The following NEO1 variants were observed in gnomAD, a reference collection of about 807,000 sequenced individuals.
NEO1 encodes neogenin 1.
A neutral mutation model predicts 159.7 loss-of-function variants in NEO1; 63 were observed. The ratio of observed to expected loss-of-function variants is 0.39; its 90% CI spans 0.32 to 0.49. The LOEUF (loss-of-function observed/expected upper bound fraction) is 0.49. Among genes scored for constraint, NEO1 ranks in the 20% least tolerant of loss-of-function variants. NEO1 has a pLI of 0.85. For synonymous variants in NEO1, 633 were observed against 662.0 expected (o/e 0.96, Z 0.67); for missense variants, 1,615 against 1,831.0 (o/e 0.88, Z 2.15).
At chr15:73,098,107 A>T (rs2070184390) in intron 1 of NEO1, among the ~76,000 whole-genome samples, 1 of 151,998 alleles carries the variant, frequency 6.6e-6, no homozygotes, top group South Asian at 2.1e-4. Context: ...ACACACCCTC[A>T]GAATAACAAT....
intron 27 of NEO1, 57 bp downstream of exon 27, chr15:73,298,668 C>T (rs2042474471): frequency 2.5e-6 from 4 of 1,597,858 alleles, no homozygotes; most frequent in Non-Finnish European, 3.4e-6. Flanking sequence ...CCCTTTGGCT[C>T]AAGCTTGGGA....
At chr15:73,293,895 A>G (rs938538782) in intron 26 of NEO1, among the ~76,000 whole-genome samples, 34 of 152,340 alleles carry the variant, frequency 2.2e-4, no homozygotes, top group Non-Finnish European at 2.1e-4. Context: ...GTGATTTCAG[A>G]CACTAGTGGT....
At chr15:73,072,670 T>A (rs1304377910) in intron 1 of NEO1, among the ~76,000 whole-genome samples, 1 of 152,166 alleles carries the variant, frequency 6.6e-6, no homozygotes, top group Non-Finnish European at 1.5e-5. Context: ...AAAGTGACCA[T>A]CATAATACAT....
chr15:73,239,254 T>A (rs2039366878), intron 8 of NEO1, among the ~76,000 whole-genome samples: 1 of 152,182 alleles, frequency 6.6e-6, no homozygotes, highest in African/African-American at 2.4e-5. Context: ...TTGGTGGCAG[T>A]ATAAATTAGA....
At chr15:73,130,900 C>A (rs192616913) in intron 4 of NEO1, among the ~76,000 whole-genome samples, 2 of 152,320 alleles carry the variant, frequency 1.3e-5, no homozygotes, top group Non-Finnish European at 2.9e-5. Flanking sequence ...GACAATCCTA[C>A]CCCTTCTACC....
intron 2 of NEO1, among the ~76,000 whole-genome samples, chr15:73,118,841 CTG>C (rs1395576964): frequency 9.2e-5 from 14 of 152,242 alleles, no homozygotes; most frequent in African/African-American, 2.9e-4. Context: ...GATATACATA[CTG>C]TGATTTATTT....
At chr15:73,141,018 T>C (rs2151778220) in intron 5 of NEO1, among the ~76,000 whole-genome samples, 1 of 152,330 alleles carries the variant, frequency 6.6e-6, no homozygotes, top group Non-Finnish European at 1.5e-5. Context: ...TTCAGTTTCT[T>C]AATCTGGGTG....
chr15:73,274,770 C>A, intron 21 of NEO1, 46 bp downstream of exon 21: 1 of 1,523,288 alleles, frequency 6.6e-7, no homozygotes, highest in Non-Finnish European at 8.9e-7. Flanking sequence ...CTTTTGTGAC[C>A]TATTATTAGC....
chr15:73,128,851 TA>T (rs1227039272), intron 4 of NEO1, among the ~76,000 whole-genome samples: 1 of 152,212 alleles, frequency 6.6e-6, no homozygotes, highest in Admixed American at 6.5e-5. Flanking sequence ...TATTCAAAGA[TA>T]TCCTTGGGAG....
At chr15:73,079,591 A>G (rs2068941317) in intron 1 of NEO1, among the ~76,000 whole-genome samples, 1 of 152,116 alleles carries the variant, frequency 6.6e-6, no homozygotes, top group Non-Finnish European at 1.5e-5. Context: ...GTGTATTTCT[A>G]AATTCATATG....
chr15:73,265,489 A>G (rs1251910895), intron 15 of NEO1, among the ~76,000 whole-genome samples: 1 of 152,208 alleles, frequency 6.6e-6, no homozygotes. Context: ...AAGGAAATGA[A>G]TGAAAGTGCA....
At chr15:73,099,911 G>A (rs1480542259) in intron 1 of NEO1, among the ~76,000 whole-genome samples, 1 of 152,204 alleles carries the variant, frequency 6.6e-6, no homozygotes, top group Non-Finnish European at 1.5e-5. Context: ...TTTTCAAGAT[G>A]TGAGCCACGG....
At position 73,302,779 on chromosome 15, in the gene NEO1, C is replaced by T. The variant is rs995199264; in HGVS notation, c.*83C>T. 3.9e-5 allele frequency: 50 copies of T among 1,269,420 alleles called. No homozygotes were observed. The highest frequency in any genetic ancestry group is 5.3e-5 in the Non-Finnish European group (47 of 887,148). 78.6% of individuals were successfully genotyped at this position (1,269,420 alleles called of 1,614,324 possible). On this transcript the variant is annotated 3_prime_UTR_variant, in exon 29 of 29. Coordinates refer to ENST00000261908, the MANE Select transcript of NEO1 (RefSeq NM_002499.4). ...TGAAAACAAGGAATTGTACAGAGTA[C>T]GAGAGGACAGCACTTGAGAACACAG...
intron 16 of NEO1, among the ~76,000 whole-genome samples, chr15:73,268,423 A>G (rs554201200): frequency 3.5e-4 from 53 of 152,354 alleles, no homozygotes; most frequent in African/African-American, 1.2e-3. Context: ...AAAAATTTCT[A>G]CAAGAATTCT....
At chr15:73,202,151 C>T (rs1189998151) in intron 7 of NEO1, among the ~76,000 whole-genome samples, 1 of 151,630 alleles carries the variant, frequency 6.6e-6, no homozygotes, top group Non-Finnish European at 1.5e-5. Context: ...TTAGTAGAGA[C>T]AGGGTTTCTC....
intron 1 of NEO1, among the ~76,000 whole-genome samples, chr15:73,085,289 C>G (rs940716037): frequency 3.3e-5 from 5 of 152,040 alleles, no homozygotes; most frequent in Non-Finnish European, 7.4e-5. Context: ...AGATGAATCT[C>G]AATGTTGTAT....
chr15:73,171,460 C>T (rs899239927), intron 5 of NEO1, among the ~76,000 whole-genome samples: 6 of 151,706 alleles, frequency 4.0e-5, no homozygotes, highest in East Asian at 1.9e-4. Context: ...GCTACTTGAG[C>T]GGCTGAGGCA....
intron 1 of NEO1, among the ~76,000 whole-genome samples, chr15:73,070,656 A>G (rs2068486011): frequency 6.6e-6 from 1 of 152,196 alleles, no homozygotes; most frequent in Non-Finnish European, 1.5e-5. Context: ...AAATCTATAT[A>G]CCAGTTTTTT....
At chr15:73,157,323 T>C (rs2033853394) in intron 5 of NEO1, among the ~76,000 whole-genome samples, 1 of 152,252 alleles carries the variant, frequency 6.6e-6, no homozygotes, top group Non-Finnish European at 1.5e-5. Context: ...AGCCTGGCAC[T>C]GCCACTTGTT....
Sources: allele counts gnomAD v4.1 joint callset (sites outside exome capture counted in the v4.1 genomes callset), GRCh38; gene constraint gnomAD v4.1.1; transcripts MANE v1.5; gene names NCBI Gene and HGNC (gene_info 2026-07-23, HGNC 2026-07-21).